The following GAPVD1 variants were observed in gnomAD, a reference collection of about 807,000 sequenced individuals.
GAPVD1 encodes the protein GTPase activating protein and VPS9 domains 1.
In GAPVD1, 35 loss-of-function variants were observed where a neutral mutation model predicts 155.5. That is an observed-to-expected ratio of 0.23 (90% CI 0.17 to 0.30). The LOEUF is 0.30. GAPVD1 is among the 10% of genes least tolerant of loss of function. The pLI is 1.00. For missense variants in GAPVD1, 1,429 were observed against 1,775.7 expected (o/e 0.80, Z 3.51); for synonymous variants, 636 against 619.7 (o/e 1.03, Z -0.39).
chr9:125,313,452 C>G (rs749997661), intron 9 of GAPVD1, among the ~76,000 whole-genome samples: 1 of 151,590 alleles, frequency 6.6e-6, no homozygotes, highest in Non-Finnish European at 1.5e-5. Flanking sequence ...TACAGGTGCC[C>G]GCCACCACGC....
chr9:125,313,722 C>G (rs1842989720), intron 9 of GAPVD1, among the ~76,000 whole-genome samples: 1 of 152,222 alleles, frequency 6.6e-6, no homozygotes, highest in Non-Finnish European at 1.5e-5. Context: ...CTGCCTCAGC[C>G]TCCTGAGTTG....
In GAPVD1 at chr9:125,302,324, G is replaced by A; in HGVS notation, c.527G>A (p.Cys176Tyr). The stretch of plus-strand genomic sequence containing the variant: ...AGGCGACTTTTGAGGAGAGGAACTT[G>A]TGCCTTCAGCATCTTATTTAAACTT... ...NPRRLLRRGT[C>Y]AFSILFKLFS... Residue 176 changes from cysteine to tyrosine, a missense_variant, in exon 5 of 28, where the codon TGT (cysteine) becomes TAT (tyrosine). By Grantham distance (194) the Cys-to-Tyr change is radical (BLOSUM62 -2). This residue lies in a region of GAPVD1 where 628 missense variants were observed against 733.4 expected (regional missense o/e 0.86). Transcript: ENST00000297933. The A allele has an allele frequency of 6.2e-7, 1 of 1,613,948 alleles. No individual in the cohort carries two copies. Among genetic ancestry groups the A allele is most frequent in the Non-Finnish European group, 8.5e-7 (1 of 1,179,862 alleles).
chr9:125,277,374 T>C (rs1199271460), intron 2 of GAPVD1, among the ~76,000 whole-genome samples: 1 of 152,152 alleles, frequency 6.6e-6, no homozygotes, highest in East Asian at 1.9e-4. Context: ...GGGACTGTAC[T>C]TGGTTTGAGC....
chr9:125,366,530 A>T lies in GAPVD1; in HGVS notation c.*3784A>T, dbSNP rs1427526293. On this transcript the variant is annotated 3_prime_UTR_variant, in exon 28 of 28. Coordinates refer to ENST00000297933, the MANE Select transcript of GAPVD1 (RefSeq NM_001282680.3). ...CTCTTCCTGCTTTGTTTCTTTAAAG[A>T]AAAGGCTGTTGTCTCTCTTTTTAAA... 6.6e-6 allele frequency: 1 copy of T among 152,184 alleles called. No individual in the cohort carries two copies. Among genetic ancestry groups the T allele is most frequent in the East Asian group, 1.9e-4 (1 of 5,204 alleles). 9.4% of individuals were successfully genotyped at this position (152,184 alleles called of 1,614,324 possible).
At chr9:125,285,136 C>G (rs1252354873) in intron 2 of GAPVD1, among the ~76,000 whole-genome samples, 2 of 152,166 alleles carry the variant, frequency 1.3e-5, no homozygotes, top group Non-Finnish European at 2.9e-5. Context: ...GTGGAGGACT[C>G]TGGCAACTAT....
intron 8 of GAPVD1, among the ~76,000 whole-genome samples, chr9:125,311,022 G>A (rs1346283964): frequency 6.6e-6 from 1 of 151,178 alleles, no homozygotes; most frequent in African/African-American, 2.4e-5. Flanking sequence ...TGTATTTTTA[G>A]TAGAGACGGG....
intron 15 of GAPVD1, among the ~76,000 whole-genome samples, chr9:125,334,389 T>C (rs1417930865): frequency 6.6e-6 from 1 of 151,236 alleles, no homozygotes; most frequent in East Asian, 1.9e-4. Flanking sequence ...TGTGAAGAAA[T>C]AGGAAGCACC....
chr9:125,324,133 A>G lies in GAPVD1; in HGVS notation c.1858+210A>G, dbSNP rs1028940453. Among the ~76,000 whole-genome samples the G allele has an allele frequency of 2.0e-5, 3 of 152,204 alleles. No individual in the cohort carries two copies. The East Asian group carries it at 5.8e-4, about 29-fold the overall frequency. ...TTAATAAATTAATATAAATTACTTG[A>G]AATTCAGTAATATTTGATATTTTAA... On this transcript the variant is annotated intron_variant, in intron 11 of 27. Transcript: ENST00000297933.
intron 8 of GAPVD1, among the ~76,000 whole-genome samples, 169 bp from the exon 9 acceptor site, chr9:125,312,283 G>A (rs2131247387): frequency 6.6e-6 from 1 of 152,102 alleles, no homozygotes; most frequent in South Asian, 2.1e-4. Context: ...AGAGTAACTG[G>A]GAGGATCTGG....
Position 125,299,091 on chromosome 9 carries a change from G to C in GAPVD1, c.170G>C (p.Arg57Pro), listed in dbSNP as rs781673298. 6.3e-7 allele frequency: 1 copy of C among 1,592,026 alleles called. No individual in the cohort carries two copies. Among genetic ancestry groups the C allele is most frequent in the Non-Finnish European group, 8.6e-7 (1 of 1,169,032 alleles). The change falls in exon 4 of 28, where the codon CGG (arginine) becomes CCG (proline). Residue 57 changes from arginine (R) to proline (P), a missense_variant. Arg to Pro is a moderately radical substitution (Grantham distance 103). Around this residue, in one of 4 missense-constraint regions of GAPVD1, gnomAD observed 628 missense variants for 733.4 expected, o/e 0.86. Transcript: ENST00000297933. ...AAGCAACAGAGAATCAATTTGGATC[G>C]GCTTATCATAACCAGGTAAAGAGAT... ...IAKQQRINLDRLIITSAEASP... is the reference protein window; with the variant it reads ...IAKQQRINLDPLIITSAEASP...
chr9:125,335,347 G>A (rs1476644599), intron 15 of GAPVD1: 1 of 502,796 alleles, frequency 2.0e-6, no homozygotes, highest in African/African-American at 2.0e-5. Context: ...TATTTTTAAT[G>A]CTTTTTTGTG....
chr9:125,318,957 C>G (rs1015263267), intron 9 of GAPVD1, among the ~76,000 whole-genome samples: 5 of 152,026 alleles, frequency 3.3e-5, no homozygotes, highest in African/African-American at 1.2e-4. Flanking sequence ...AGGCAGATCA[C>G]TTGAGGTCAG....
At chr9:125,327,100 C>G (rs1845297344) in intron 12 of GAPVD1, among the ~76,000 whole-genome samples, 1 of 151,954 alleles carries the variant, frequency 6.6e-6, no homozygotes, top group Admixed American at 6.6e-5. Context: ...TTTTCTTCTT[C>G]TTACATTTTT....
At chr9:125,304,804 C>T (rs1023666916) in intron 5 of GAPVD1, among the ~76,000 whole-genome samples, 1 of 152,022 alleles carries the variant, frequency 6.6e-6, no homozygotes, top group Admixed American at 6.6e-5. Flanking sequence ...CTTTTTTTCC[C>T]TAATGTTGAT....
In GAPVD1 at chr9:125,356,775, G is replaced by A. The variant is rs144451380; in HGVS notation, c.3971+918G>A. Among the ~76,000 whole-genome samples the A allele has an allele frequency of 5.0e-3, 761 of 152,260 alleles. 9 individuals carry two copies. The highest frequency in any genetic ancestry group is 0.018 in the African/African-American group (744 of 41,554). On this transcript the variant is annotated intron_variant, in intron 25 of 27. Transcript: ENST00000297933. Reference sequence around the variant, plus strand: ...CAGCCTCTGCCTCCTGGGCTTAAGCGATTCTCCTGCCTCAGCCTCCCAAGC... The same window carrying A: ...CAGCCTCTGCCTCCTGGGCTTAAGCAATTCTCCTGCCTCAGCCTCCCAAGC...
rs766146269 is a variant in GAPVD1 at position 125,299,019 on chromosome 9, A to T, written c.98A>T (p.Asp33Val). 1.9e-6 allele frequency: 3 copies of T among 1,610,870 alleles called. No individual in the cohort carries two copies. Among genetic ancestry groups the T allele is most frequent in the Non-Finnish European group, 1.7e-6 (2 of 1,177,076 alleles). The change falls in exon 4 of 28, where the codon GAT becomes GTT. Residue 33 changes from aspartate to valine, a missense_variant. This residue lies in a region of GAPVD1 where 628 missense variants were observed against 733.4 expected (regional missense o/e 0.86). Coordinates refer to ENST00000297933, the MANE Select transcript of GAPVD1 (RefSeq NM_001282680.3). Reference protein sequence around the residue: ...EKQLIQRLNADVLKTAEKLYR... With the variant: ...EKQLIQRLNAVVLKTAEKLYR... Reference sequence around the variant, plus strand: ...CAGCTCATTCAGAGGCTCAATGCAGATGTACTTAAGACAGCTGAAAAGTTG... The same window carrying T: ...CAGCTCATTCAGAGGCTCAATGCAGTTGTACTTAAGACAGCTGAAAAGTTG...
chr9:125,332,726 G>GTGCTATAC, intron 15 of GAPVD1, 97 bp downstream of exon 15: 2 of 977,952 alleles, frequency 2.0e-6, no homozygotes, highest in Non-Finnish European at 1.6e-6. Context: ...TGTTGGTATA[G>GTGCTATAC]CACTTTGGGA....
intron 19 of GAPVD1, among the ~76,000 whole-genome samples, chr9:125,343,683 T>C (rs1000175800): frequency 6.6e-6 from 1 of 152,218 alleles, no homozygotes; most frequent in Non-Finnish European, 1.5e-5. Flanking sequence ...TTGTTGACCA[T>C]GTGACTCATG....
intron 3 of GAPVD1, among the ~76,000 whole-genome samples, chr9:125,297,295 T>TA (rs1469157584): frequency 2.0e-5 from 3 of 152,216 alleles, no homozygotes; most frequent in African/African-American, 4.8e-5. Flanking sequence ...TGCTGTCACT[T>TA]ACCTTCTAGT....
Sources: gnomAD v4.1 joint callset for allele counts (sites outside exome capture counted in the v4.1 genomes callset) on GRCh38, gnomAD v4.1.1 for gene constraint, gnomAD v4.1.1 regional missense constraint, MANE v1.5 for transcripts, NCBI Gene and HGNC (gene_info 2026-07-23, HGNC 2026-07-21) for gene names.